Variants in IKZF3 observed in about 807,000 individuals in gnomAD.
The protein encoded by IKZF3 is zinc finger protein Aiolos.
A neutral mutation model predicts 49.0 loss-of-function variants in IKZF3; 10 were observed. The observed-to-expected ratio is 0.20, with a 90% CI of 0.13 to 0.35. The LOEUF (loss-of-function observed/expected upper bound fraction) is 0.35, where lower values mean the gene tolerates loss of function less well. IKZF3 is among the 10% of genes least tolerant of loss of function. The pLI is 1.00. For synonymous variants in IKZF3, 209 were observed against 228.2 expected (o/e 0.92, Z 0.76); for missense variants, 498 against 664.8 (o/e 0.75, Z 2.76).
At chr17:39,813,130 A>C (rs919616158) in intron 3 of IKZF3, among the ~76,000 whole-genome samples, 1 of 150,962 alleles carries the variant, frequency 6.6e-6, no homozygotes, top group African/African-American at 2.4e-5. Flanking sequence ...TAAATAAATA[A>C]ATAAATAAAA....
At chr17:39,777,585 A>G in intron 7 of IKZF3, 66 bp downstream of exon 7, 3 of 1,103,534 alleles carry the variant, frequency 2.7e-6, no homozygotes, top group Non-Finnish European at 4.1e-6. Context: ...TTGTGTAGCA[A>G]GCATCCTATG....
chr17:39,859,393 G>C (rs1162691114), intron 1 of IKZF3, among the ~76,000 whole-genome samples: 1 of 120,418 alleles, frequency 8.3e-6, no homozygotes, highest in African/African-American at 3.4e-5. Flanking sequence ...TTTTTTTTTT[G>C]AGACAGGGTC....
In IKZF3 at chr17:39,766,408, C is replaced by T; in HGVS notation, c.912G>A (p.Met304Ile). 3 of 1,614,170 alleles carry T rather than the reference C, an allele frequency of 1.9e-6. No homozygotes were observed. Among genetic ancestry groups the T allele is most frequent in the Non-Finnish European group, 2.5e-6 (3 of 1,180,028 alleles). ...KESELIQTRM[M>I]DQAINNAISY... ...TGATGGCGTTATTGATGGCTTGGTC[C>T]ATCATGCGGGTCTGTATGAGCTCAC... The change falls in exon 8 of 8, where the codon ATG becomes ATA. Residue 304 changes from methionine to isoleucine, a missense_variant. Transcript: ENST00000346872.
chr17:39,851,738 T>C (rs1023582507), intron 1 of IKZF3, among the ~76,000 whole-genome samples: 2 of 152,166 alleles, frequency 1.3e-5, no homozygotes, highest in African/African-American at 4.8e-5. Context: ...GAAGGTTGTA[T>C]AAAGGTGAAA....
chr17:39,850,716 A>T (rs1455281728), intron 1 of IKZF3, among the ~76,000 whole-genome samples: 1 of 95,696 alleles, frequency 1.0e-5, no homozygotes, highest in African/African-American at 5.9e-5. Flanking sequence ...ATAATACATT[A>T]TATATATACA....
In IKZF3 at chr17:39,850,619, G is replaced by A. The variant is rs376752572; in HGVS notation, c.7+13501C>T. 7.0e-3 allele frequency among the ~76,000 whole-genome samples: 22 copies of A among 3,150 alleles called. No individual in the cohort carries two copies. In the South Asian group the frequency reaches 0.28, roughly 39 times the overall value. The allele number at this position is 3,150 out of a possible 152,430, so 2.1% of individuals were successfully genotyped here. On this transcript the variant is annotated intron_variant, in intron 1 of 7. Coordinates refer to ENST00000346872, the MANE Select transcript of IKZF3 (RefSeq NM_012481.5). The stretch of plus-strand genomic sequence containing the variant: ...ATATAATATATAGCCTATTATATAT[G>A]TATATATAATATATAGCATAAATAA...
intron 6 of IKZF3, among the ~76,000 whole-genome samples, chr17:39,783,088 A>C (rs2143788340): frequency 6.6e-6 from 1 of 152,280 alleles, no homozygotes; most frequent in Middle Eastern, 3.4e-3. Context: ...TTTGTTCAAA[A>C]TCCTTCATTA....
At chr17:39,839,668 A>G (rs2062408164) in intron 1 of IKZF3, 1 of 320,052 alleles carries the variant, frequency 3.1e-6, no homozygotes, top group African/African-American at 2.3e-5. Context: ...TCTTCATCCC[A>G]GGCTCAAGCA....
chr17:39,790,313 T>C (rs2060984860), intron 5 of IKZF3, among the ~76,000 whole-genome samples: 1 of 152,126 alleles, frequency 6.6e-6, no homozygotes, highest in Non-Finnish European at 1.5e-5. Context: ...CTATTGTTTC[T>C]TACTTGAAAA....
intron 6 of IKZF3, among the ~76,000 whole-genome samples, chr17:39,786,764 G>A (rs943505671): frequency 1.3e-5 from 2 of 151,984 alleles, no homozygotes; most frequent in African/African-American, 4.8e-5. Context: ...TGACCTGTTT[G>A]TTTTTTATAA....
rs1259963346 is a variant in IKZF3 at position 39,759,770 on chromosome 17, T to C, written c.*6020A>G. On this transcript the variant is annotated 3_prime_UTR_variant, in exon 8 of 8. Transcript: ENST00000346872. ...CCTTCATCGGCACTTATATCTCAAA[T>C]CATTCTCCTTGTCTGAACTCTGGAT... The C allele has an allele frequency of 6.6e-6, 1 of 152,234 alleles. No individual in the cohort carries two copies. Among genetic ancestry groups the C allele is most frequent in the Non-Finnish European group, 1.5e-5 (1 of 68,046 alleles). The allele number at this position is 152,234 out of a possible 1,614,324, so 9.4% of individuals were successfully genotyped here. A position where few individuals can be genotyped will look rare whatever the true frequency, so the allele number is the denominator to read the frequency against.
intron 1 of IKZF3, among the ~76,000 whole-genome samples, chr17:39,838,062 A>G (rs2062354209): frequency 6.6e-6 from 1 of 152,190 alleles, no homozygotes; most frequent in African/African-American, 2.4e-5. Flanking sequence ...GGCTTTCAGC[A>G]GTTTGACCAT....
chr17:39,843,808 T>TTA (rs375065298), intron 1 of IKZF3, among the ~76,000 whole-genome samples: 21 of 132,852 alleles, frequency 1.6e-4, no homozygotes, highest in African/African-American at 3.9e-4. Flanking sequence ...CTCCGTCTTT[T>TTA]AAAAAAAAAA....
chr17:39,789,303 G>A (rs1029457520), intron 5 of IKZF3, among the ~76,000 whole-genome samples: 8 of 152,002 alleles, frequency 5.3e-5, no homozygotes, highest in African/African-American at 1.4e-4. Flanking sequence ...AGTGGCTCAC[G>A]CCTGTAATCT....
chr17:39,856,011 CATGTATATTGTAT>C (rs2063036224), intron 1 of IKZF3, among the ~76,000 whole-genome samples: 1 of 143,044 alleles, frequency 7.0e-6, no homozygotes, highest in African/African-American at 2.8e-5. Context: ...TACAATATAA[CATGTATATTGTAT>C]ATGTACAATA....
intron 3 of IKZF3, among the ~76,000 whole-genome samples, chr17:39,824,846 C>T (rs889836604): frequency 2.6e-5 from 4 of 152,142 alleles, no homozygotes; most frequent in Non-Finnish European, 5.9e-5. Flanking sequence ...CAGGTGCCCA[C>T]CACCACACCT....
At chr17:39,819,780 C>T (rs2061759519) in intron 3 of IKZF3, among the ~76,000 whole-genome samples, 1 of 152,088 alleles carries the variant, frequency 6.6e-6, no homozygotes, top group Admixed American at 6.5e-5. Context: ...AGTGATCCTC[C>T]CACCTCAGCC....
In IKZF3 at chr17:39,759,324, G is replaced by A. The variant is rs1462434342; in HGVS notation, c.*6466C>T. The A allele has an allele frequency of 6.6e-6, 1 of 152,164 alleles. No individual in the cohort carries two copies. The highest frequency in any genetic ancestry group is 1.5e-5 in the Non-Finnish European group (1 of 68,046). The allele number at this position is 152,164 out of a possible 1,614,324, so 9.4% of individuals were successfully genotyped here. ...TCAGCTAGTTGGGAGGCTAAGACGG[G>A]AGGATGGCTCGTTGCTTGAGCCCAG... On this transcript the variant is annotated 3_prime_UTR_variant, in exon 8 of 8. Transcript: ENST00000346872.
intron 3 of IKZF3, among the ~76,000 whole-genome samples, chr17:39,806,285 A>T (rs564211439): frequency 6.6e-6 from 1 of 152,244 alleles, no homozygotes; most frequent in African/African-American, 2.4e-5. Context: ...ACAGGCAAAG[A>T]TTTCTTAGAT....
Sources: allele counts gnomAD v4.1 joint callset (sites outside exome capture counted in the v4.1 genomes callset), GRCh38; gene constraint gnomAD v4.1.1; transcripts MANE v1.5; gene names NCBI Gene and HGNC (gene_info 2026-07-23, HGNC 2026-07-21).